The following ATP6V0A4 variants were observed in gnomAD, a reference collection of about 807,000 sequenced individuals.
ATP6V0A4 encodes the protein V-type proton ATPase 116 kDa subunit a 4.
A neutral mutation model predicts 107.3 loss-of-function variants in ATP6V0A4; 86 were observed. That is an observed-to-expected ratio of 0.80 (90% confidence interval 0.67 to 0.96). The LOEUF is 0.96. ATP6V0A4 is among the 40% of genes least tolerant of loss of function. ATP6V0A4 has a pLI of 0.00. For synonymous variants in ATP6V0A4, 353 were observed against 381.4 expected (o/e 0.93, Z 0.87); for missense variants, 908 against 1,045.6 (o/e 0.87, Z 1.81).
chr7:138,781,096 T>C (rs1807899533), intron 2 of ATP6V0A4, among the ~76,000 whole-genome samples: 2 of 152,152 alleles, frequency 1.3e-5, no homozygotes, highest in Non-Finnish European at 2.9e-5. Context: ...ACTGTGATAT[T>C]TTATAGACAG....
chr7:138,784,224 A>ATG (rs1272795466), intron 2 of ATP6V0A4, among the ~76,000 whole-genome samples: 1 of 93,654 alleles, frequency 1.1e-5, no homozygotes, highest in Non-Finnish European at 1.9e-5. Flanking sequence ...TTATATATAT[A>ATG]TATATATATA....
chr7:138,729,081 T>C (rs1257523458), intron 17 of ATP6V0A4, among the ~76,000 whole-genome samples: 1 of 152,236 alleles, frequency 6.6e-6, no homozygotes, highest in East Asian at 1.9e-4. Flanking sequence ...GGGTAGACAC[T>C]GGAAACTCTC....
At chr7:138,740,186 G>A (rs1320967409) in intron 14 of ATP6V0A4, among the ~76,000 whole-genome samples, 1 of 151,864 alleles carries the variant, frequency 6.6e-6, no homozygotes, top group Non-Finnish European at 1.5e-5. Context: ...TACCACATCA[G>A]AAATGAGGTA....
intron 21 of ATP6V0A4, among the ~76,000 whole-genome samples, chr7:138,707,201 T>TAATATATTATATTATATAG (rs1803450924): frequency 1.3e-5 from 1 of 79,870 alleles, no homozygotes; most frequent in Non-Finnish European, 2.2e-5. Context: ...ATATATTATA[T>TAATATATTATATTATATAG]AATATATTAT....
At chr7:138,713,117 C>T (rs1025854391) in intron 20 of ATP6V0A4, among the ~76,000 whole-genome samples, 3 of 150,806 alleles carry the variant, frequency 2.0e-5, no homozygotes, top group African/African-American at 4.9e-5. Flanking sequence ...GGTGAAACCC[C>T]GTCTCTACTG....
chr7:138,733,191 C>CTT lies in ATP6V0A4; in HGVS notation c.1692-100_1692-99dup, dbSNP rs777775084. On this transcript the variant is annotated intron_variant, in intron 16 of 21. Coordinates refer to ENST00000310018, the MANE Select transcript of ATP6V0A4 (RefSeq NM_020632.3). ...AGCACAAAAGCACAAAATGTTCTAT[C>CTT]TTTTTTTTTTTTGCACTACTGGCAA... The CTT allele has an allele frequency of 1.0e-3, 1,306 of 1,273,442 alleles. 5 individuals carry two copies. In the African/African-American group the frequency reaches 0.017, roughly 16 times the overall value. 78.9% of individuals were successfully genotyped at this position (1,273,442 alleles called of 1,614,324 possible). A position where few individuals can be genotyped will look rare whatever the true frequency, so the allele number is the denominator to read the frequency against.
chr7:138,778,658 A>G (rs917090182), intron 2 of ATP6V0A4, among the ~76,000 whole-genome samples: 29 of 152,296 alleles, frequency 1.9e-4, no homozygotes, highest in African/African-American at 7.0e-4. Context: ...AAACTTTCAG[A>G]CAATAATCAC....
intron 1 of ATP6V0A4, among the ~76,000 whole-genome samples, chr7:138,797,011 C>T (rs1000205377): frequency 6.6e-6 from 1 of 152,118 alleles, no homozygotes. Flanking sequence ...AAGCTTAGCC[C>T]ACAGCTCTCC....
chr7:138,752,939 C>T (rs1806308863), intron 10 of ATP6V0A4, 102 bp from the exon 11 acceptor site: 4 of 1,546,118 alleles, frequency 2.6e-6, no homozygotes, highest in African/African-American at 2.7e-5. Context: ...TTCCTCTGCT[C>T]TGGCAGGCTC....
chr7:138,738,518 C>T (rs778593657), intron 15 of ATP6V0A4, among the ~76,000 whole-genome samples: 23 of 152,202 alleles, frequency 1.5e-4, no homozygotes, highest in Non-Finnish European at 2.5e-4. Context: ...CCAAGGACAA[C>T]GTCTTGCAGG....
intron 5 of ATP6V0A4, among the ~76,000 whole-genome samples, chr7:138,763,619 C>A (rs1806939383): frequency 6.6e-6 from 1 of 151,832 alleles, no homozygotes; most frequent in African/African-American, 2.4e-5. Flanking sequence ...CAGAGCAAGA[C>A]TCCATTTCAA....
In ATP6V0A4 at chr7:138,759,052, A is replaced by ATTTTTTTTT. The variant is rs33940158; in HGVS notation, c.639+691_639+699dup. On this transcript the variant is annotated intron_variant, in intron 8 of 21. Coordinates refer to ENST00000310018, the MANE Select transcript of ATP6V0A4 (RefSeq NM_020632.3). Reference sequence around the variant, plus strand: ...AGGCATGAGCCACCATGCCCAGCCTATTTTTTTTTTTTTTTTTTTTTTTTT... The same window carrying ATTTTTTTTT: ...AGGCATGAGCCACCATGCCCAGCCTATTTTTTTTTTTTTTTTTTTTTTTTTTTTTTTTTT... 3.2e-3 allele frequency among the ~76,000 whole-genome samples: 172 copies of ATTTTTTTTT among 54,566 alleles called. 15 individuals carry two copies. Among genetic ancestry groups the ATTTTTTTTT allele is most frequent in the African/African-American group, 0.014 (163 of 11,458 alleles). The allele number at this position is 54,566 out of a possible 152,430, so 35.8% of individuals were successfully genotyped here. A position where few individuals can be genotyped will look rare whatever the true frequency, so the allele number is the denominator to read the frequency against.
At chr7:138,739,952 G>C (rs965176730) in intron 14 of ATP6V0A4, among the ~76,000 whole-genome samples, 1 of 152,124 alleles carries the variant, frequency 6.6e-6, no homozygotes, top group African/African-American at 2.4e-5. Context: ...AGACCAGCTG[G>C]TTGTGGTGGC....
rs1406569651 is a variant in ATP6V0A4 at position 138,745,105 on chromosome 7, C to A, written c.1478+18G>T. ...CCTGGATGGCCAGCGACTACACCAT[C>A]TCTGTCTGTCAACTCACTTCCATGT... On this transcript the variant is annotated intron_variant, in intron 14 of 21. Coordinates refer to ENST00000310018, the MANE Select transcript of ATP6V0A4 (RefSeq NM_020632.3). 6.2e-7 allele frequency: 1 copy of A among 1,603,740 alleles called. No homozygotes were observed.
chr7:138,785,337 G>A (rs540165818), intron 2 of ATP6V0A4, among the ~76,000 whole-genome samples: 56 of 145,264 alleles, frequency 3.9e-4, no homozygotes, highest in Non-Finnish European at 7.4e-4. Context: ...GTGTAGTGTC[G>A]TGATCTCAGC....
chr7:138,767,470 C>G (rs960882276), intron 5 of ATP6V0A4, among the ~76,000 whole-genome samples: 30 of 152,026 alleles, frequency 2.0e-4, no homozygotes, highest in African/African-American at 7.2e-4. Flanking sequence ...TTGCAGTGAG[C>G]CGAGATCACA....
At position 138,759,734 on chromosome 7, in the gene ATP6V0A4, G is replaced by A. The variant is rs1806699124; in HGVS notation, c.639+18C>T. 1 of 1,614,046 alleles carries A rather than the reference G, an allele frequency of 6.2e-7. No homozygotes were observed. The highest frequency in any genetic ancestry group is 8.5e-7 in the Non-Finnish European group (1 of 1,179,982). On this transcript the variant is annotated intron_variant, in intron 8 of 21. Transcript: ENST00000310018. ...ATGGGAAGTCTCAGAGAAAGTTTTT[G>A]CAGCCCAAGGTTCCCACCGTCACAG...
intron 11 of ATP6V0A4, among the ~76,000 whole-genome samples, chr7:138,750,938 G>T (rs1806191718): frequency 6.6e-6 from 1 of 152,080 alleles, no homozygotes; most frequent in Admixed American, 6.6e-5. Flanking sequence ...GATAAAGAAA[G>T]CTCCCACCTT....
chr7:138,778,033 A>C (rs1348396443), intron 2 of ATP6V0A4, among the ~76,000 whole-genome samples: 1 of 152,194 alleles, frequency 6.6e-6, no homozygotes, highest in Non-Finnish European at 1.5e-5. Flanking sequence ...CAGAGTCCTC[A>C]AGGGAAAAAT....
Sources: allele counts gnomAD v4.1 joint callset (sites outside exome capture counted in the v4.1 genomes callset), GRCh38; gene constraint gnomAD v4.1.1; transcripts MANE v1.5; gene names NCBI Gene and HGNC (gene_info 2026-07-23, HGNC 2026-07-21).